The following TM4SF5 variants were observed in gnomAD, a reference collection of about 807,000 sequenced individuals.
The protein encoded by TM4SF5 is transmembrane 4 L6 family member 5.
TM4SF5 carries 16 observed loss-of-function variants against 22.3 expected under a neutral mutation model. The ratio of observed to expected loss-of-function variants is 0.72; its 90% CI spans 0.49 to 1.09. The LOEUF is 1.09. Ranked by LOEUF, TM4SF5 falls within the 50% of genes least tolerant of loss-of-function variation. The pLI, the probability that TM4SF5 is intolerant of heterozygous loss-of-function variation, is 0.00. For missense variants in TM4SF5, 249 were observed against 266.1 expected (o/e 0.94, Z 0.45); for synonymous variants, 113 against 109.6 (o/e 1.03, Z -0.19).
In TM4SF5 at chr17:4,773,345, T is replaced by C. The variant is rs1405621740; in HGVS notation, c.177+1246T>C. Among the ~76,000 whole-genome samples the C allele has an allele frequency of 2.6e-5, 4 of 152,180 alleles. No homozygotes were observed. The East Asian group carries it at 7.7e-4, about 29-fold the overall frequency. ...ACCACGCCTGGCCAAGACTAGGATC[T>C]GTCAGAAGTGGAGGAAAAGGAGACA... On this transcript the variant is annotated intron_variant, in intron 1 of 4. Transcript: ENST00000270560.
intron 3 of TM4SF5, 33 bp from the exon 4 acceptor site, chr17:4,782,821 G>A (rs761149281): frequency 6.3e-7 from 1 of 1,597,620 alleles, no homozygotes; most frequent in Non-Finnish European, 8.5e-7. Context: ...CGCGCACGCT[G>A]CCTTCTCCCA....
chr17:4,777,038 A>C, intron 1 of TM4SF5, among the ~76,000 whole-genome samples: 1 of 152,010 alleles, frequency 6.6e-6, no homozygotes, highest in East Asian at 1.9e-4. Context: ...TCTCTACTAA[A>C]AATACAAAGT....
intron 1 of TM4SF5, among the ~76,000 whole-genome samples, chr17:4,775,560 T>G (rs7214066): frequency 0.64 from 97,354 of 151,578 alleles, 31,324 homozygotes; most frequent in South Asian, 0.81. Context: ...CACCGCGCCA[T>G]GCCCTATTGA....
chr17:4,772,760 G>A (rs1917137990), intron 1 of TM4SF5, among the ~76,000 whole-genome samples: 2 of 150,506 alleles, frequency 1.3e-5, no homozygotes, highest in African/African-American at 2.5e-5. Context: ...CTGTTGCCCA[G>A]GCTGGAGTGT....
chr17:4,772,089 G>A lies in TM4SF5; in HGVS notation c.167G>A (p.Gly56Glu), dbSNP rs766326101. ...QVWLMGGFIG[G>E]GLMVLCPGIA... ...TGGCTCATGGGCGGCTTCATTGGCGGGGGCCTAATGGTGAGAAGGCTGGCA... is the reference window on the plus strand; with the variant it reads ...TGGCTCATGGGCGGCTTCATTGGCGAGGGCCTAATGGTGAGAAGGCTGGCA... Residue 56 changes from glycine to glutamate, a missense_variant, in exon 1 of 5, where the codon GGG (glycine) becomes GAG (glutamate). Gly to Glu is a moderately conservative substitution (Grantham distance 98). Transcript: ENST00000270560. The A allele has an allele frequency of 6.2e-7, 1 of 1,614,198 alleles. No individual in the cohort carries two copies. The highest frequency in any genetic ancestry group is 2.2e-5 in the East Asian group (1 of 44,876).
intron 1 of TM4SF5, among the ~76,000 whole-genome samples, chr17:4,780,176 C>T (rs1289218593): frequency 6.6e-6 from 1 of 151,846 alleles, no homozygotes; most frequent in African/African-American, 2.4e-5. Context: ...CTGCCTCAGC[C>T]CCCCGAGTAG....
intron 1 of TM4SF5, 138 bp downstream of exon 1, chr17:4,772,237 C>T: frequency 1.9e-6 from 2 of 1,078,818 alleles, no homozygotes; most frequent in East Asian, 2.5e-5. Context: ...GCTAGCAGCC[C>T]TCTGGAGTCA....
chr17:4,781,851 C>T (rs1295786478), intron 2 of TM4SF5, among the ~76,000 whole-genome samples: 1 of 151,902 alleles, frequency 6.6e-6, no homozygotes, highest in African/African-American at 2.4e-5. Context: ...CTTCAAACCC[C>T]GGGCTTGCAG....
intron 3 of TM4SF5, 26 bp downstream of exon 3, chr17:4,782,665 C>T (rs1192570411): frequency 3.1e-6 from 5 of 1,612,534 alleles, no homozygotes; most frequent in Non-Finnish European, 4.2e-6. Flanking sequence ...TATTCGTGTC[C>T]TCCATTCTCT....
chr17:4,771,889 TTCAC>T lies in TM4SF5; in HGVS notation c.-29_-26del, dbSNP rs774589256. 1 of 1,612,748 alleles carries T rather than the reference TTCAC, an allele frequency of 6.2e-7. No individual in the cohort carries two copies. Among genetic ancestry groups the T allele is most frequent in the Middle Eastern group, 1.7e-4 (1 of 6,056 alleles). On this transcript the variant is annotated 5_prime_UTR_variant, in exon 1 of 5. Coordinates refer to ENST00000270560, the MANE Select transcript of TM4SF5 (RefSeq NM_003963.3). ...TGGACCTGGGAACCACTGGCTTACTTTCACTCACCGCCTGTCCTTCCTGACACCT... is the reference window on the plus strand; with the variant it reads ...TGGACCTGGGAACCACTGGCTTACTTTCACCGCCTGTCCTTCCTGACACCT...
chr17:4,777,788 G>A (rs1917234862), intron 1 of TM4SF5, among the ~76,000 whole-genome samples: 1 of 152,062 alleles, frequency 6.6e-6, no homozygotes, highest in Admixed American at 6.6e-5. Context: ...GGAGGCTGAG[G>A]CAGGAGAATC....
chr17:4,780,757 G>A (rs1282703910), intron 1 of TM4SF5, 32 bp from the exon 2 acceptor site: 1 of 1,581,640 alleles, frequency 6.3e-7, no homozygotes, highest in East Asian at 2.3e-5. Context: ...GATCTGGGGG[G>A]ACGTGCTATA....
intron 1 of TM4SF5, among the ~76,000 whole-genome samples, chr17:4,773,102 G>A (rs561223169): frequency 5.9e-5 from 9 of 151,994 alleles, no homozygotes; most frequent in South Asian, 2.1e-4. Flanking sequence ...ACAGGGTTTC[G>A]CCACGTTGGC....
intron 2 of TM4SF5, among the ~76,000 whole-genome samples, chr17:4,781,852 G>C (rs1329161116): frequency 6.6e-6 from 1 of 151,686 alleles, no homozygotes; most frequent in Non-Finnish European, 1.5e-5. Flanking sequence ...TTCAAACCCC[G>C]GGCTTGCAGT....
chr17:4,773,629 T>C (rs1917156867), intron 1 of TM4SF5, among the ~76,000 whole-genome samples: 1 of 152,108 alleles, frequency 6.6e-6, no homozygotes, highest in East Asian at 1.9e-4. Context: ...AACAATCCCC[T>C]CTTACTCTCT....
At chr17:4,781,620 A>G (rs1294492292) in intron 2 of TM4SF5, among the ~76,000 whole-genome samples, 1 of 151,724 alleles carries the variant, frequency 6.6e-6, no homozygotes, top group East Asian at 2.0e-4. Flanking sequence ...AGTTCAAGCC[A>G]TTCTTGTTCT....
chr17:4,782,265 G>A (rs556632602), intron 2 of TM4SF5, among the ~76,000 whole-genome samples: 96 of 152,008 alleles, frequency 6.3e-4, no homozygotes, highest in Middle Eastern at 3.4e-3. Context: ...TTTCAGTAAA[G>A]ACAAGGTTTC....
rs1917353310 is a variant in TM4SF5, at chr17:4,783,186, G to A, written c.*58G>A. 4 of 904,606 alleles carry A rather than the reference G, an allele frequency of 4.4e-6. No homozygotes were observed. The highest frequency in any genetic ancestry group is 3.5e-5 in the African/African-American group (2 of 56,454). 56.0% of individuals were successfully genotyped at this position (904,606 alleles called of 1,614,324 possible). On this transcript the variant is annotated 3_prime_UTR_variant, in exon 5 of 5. Transcript: ENST00000270560. ...TTCCTGGACGCTCACTCCCTTGCTC[G>A]CTAGAATAAACTGCTTTGCGCTCTC...
intron 1 of TM4SF5, among the ~76,000 whole-genome samples, chr17:4,775,905 C>T (rs78050081): frequency 0.063 from 9,598 of 152,144 alleles, 642 homozygotes; most frequent in East Asian, 0.3. Context: ...AGTGCAGTGG[C>T]GCTATCTCAG....
Sources: gnomAD v4.1 joint callset for allele counts (sites outside exome capture counted in the v4.1 genomes callset) on GRCh38, gnomAD v4.1.1 for gene constraint, MANE v1.5 for transcripts, NCBI Gene and HGNC (gene_info 2026-07-23, HGNC 2026-07-21) for gene names.